AP3B1: variants seen among roughly 807,000 people sequenced by gnomAD.
AP3B1 encodes the protein AP-3 complex subunit beta-1.
Under a neutral mutation model 132.5 loss-of-function variants are expected in AP3B1, and 61 were observed. The ratio of observed to expected loss-of-function variants is 0.46; its 90% CI spans 0.37 to 0.57. The LOEUF (loss-of-function observed/expected upper bound fraction) is 0.57. AP3B1 is among the 20% of genes least tolerant of loss of function. The pLI is 0.00. For synonymous variants in AP3B1, 388 were observed against 438.3 expected (o/e 0.89, Z 1.43); for missense variants, 1,120 against 1,289.4 (o/e 0.87, Z 2.01).
chr5:78,058,232 T>G (rs548519906), intron 22 of AP3B1, among the ~76,000 whole-genome samples: 3 of 152,356 alleles, frequency 2.0e-5, no homozygotes, highest in Non-Finnish European at 4.4e-5. Flanking sequence ...CCGGACGCAG[T>G]GGCTCACGCC....
chr5:78,031,403 T>C (rs2112086334), intron 24 of AP3B1, among the ~76,000 whole-genome samples: 1 of 152,200 alleles, frequency 6.6e-6, no homozygotes, highest in East Asian at 1.9e-4. Context: ...GATACTCTCT[T>C]GGATAAAACT....
intron 14 of AP3B1, among the ~76,000 whole-genome samples, chr5:78,147,753 T>C (rs1476558845): frequency 2.0e-5 from 3 of 152,212 alleles, no homozygotes; most frequent in African/African-American, 7.2e-5. Flanking sequence ...AGTTGATGCA[T>C]CAGCCAGGTG....
intron 17 of AP3B1, among the ~76,000 whole-genome samples, chr5:78,120,647 C>T (rs1236952558): frequency 1.3e-5 from 2 of 151,930 alleles, no homozygotes; most frequent in African/African-American, 2.4e-5. Context: ...AGCTAACTAT[C>T]CTAAATATAT....
intron 15 of AP3B1, among the ~76,000 whole-genome samples, chr5:78,134,408 C>A (rs762913070): frequency 6.6e-6 from 1 of 152,122 alleles, no homozygotes; most frequent in Non-Finnish European, 1.5e-5. Flanking sequence ...ATTGGTTCTA[C>A]ATTGCTGTTA....
chr5:78,294,402 A>G (rs1389895059), intron 1 of AP3B1, 50 bp downstream of exon 1: 2 of 1,612,596 alleles, frequency 1.2e-6, no homozygotes, highest in Non-Finnish European at 8.5e-7. Flanking sequence ...CACTCCTCCG[A>G]GTCCGCAGCT....
intron 7 of AP3B1, among the ~76,000 whole-genome samples, chr5:78,181,957 T>C (rs1744391090): frequency 6.6e-6 from 1 of 152,164 alleles, no homozygotes; most frequent in East Asian, 1.9e-4. Flanking sequence ...AAGGAACACA[T>C]GACCGTTAGA....
chr5:78,204,339 T>C (rs765028254), intron 7 of AP3B1, among the ~76,000 whole-genome samples: 1 of 152,236 alleles, frequency 6.6e-6, no homozygotes, highest in Non-Finnish European at 1.5e-5. Context: ...ACTGTTTTGT[T>C]AGCTTGCAGT....
chr5:78,204,926 T>C (rs1346486421), intron 7 of AP3B1, among the ~76,000 whole-genome samples: 1 of 152,178 alleles, frequency 6.6e-6, no homozygotes, highest in Non-Finnish European at 1.5e-5. Flanking sequence ...GATTGGACTG[T>C]TTTTACAGAT....
At chr5:78,014,815 G>A (rs1002638285) in intron 26 of AP3B1, among the ~76,000 whole-genome samples, 6 of 152,146 alleles carry the variant, frequency 3.9e-5, no homozygotes, top group Non-Finnish European at 8.8e-5. Flanking sequence ...AAAAATACAA[G>A]AGGGCAAACA....
At chr5:78,031,883 C>CA (rs1747592215) in intron 24 of AP3B1, among the ~76,000 whole-genome samples, 1 of 152,104 alleles carries the variant, frequency 6.6e-6, no homozygotes, top group South Asian at 2.1e-4. Context: ...GATCTTTGGA[C>CA]AAAAACATGT....
chr5:78,182,736 G>T (rs980590302), intron 7 of AP3B1, among the ~76,000 whole-genome samples: 12 of 152,050 alleles, frequency 7.9e-5, no homozygotes, highest in African/African-American at 2.9e-4. Context: ...AAAAATTATG[G>T]CCCTACCCCC....
intron 21 of AP3B1, among the ~76,000 whole-genome samples, chr5:78,094,708 TATC>T (rs894175030): frequency 1.3e-5 from 2 of 152,106 alleles, no homozygotes; most frequent in African/African-American, 4.8e-5. Flanking sequence ...TGTAGTGGAA[TATC>T]ACTCTGTCAC....
intron 3 of AP3B1, among the ~76,000 whole-genome samples, chr5:78,235,728 C>A (rs1746849188): frequency 1.3e-5 from 2 of 152,178 alleles, no homozygotes; most frequent in Admixed American, 1.3e-4. Flanking sequence ...CATAGCAGAG[C>A]CCCAGTAGGC....
At chr5:78,152,669 T>C (rs1195061178) in intron 14 of AP3B1, among the ~76,000 whole-genome samples, 1 of 152,192 alleles carries the variant, frequency 6.6e-6, no homozygotes, top group Non-Finnish European at 1.5e-5. Context: ...TTTTTTGATG[T>C]AGGCTCTTAA....
chr5:78,006,131 C>T (rs931916981), intron 26 of AP3B1, among the ~76,000 whole-genome samples: 2 of 152,114 alleles, frequency 1.3e-5, no homozygotes, highest in Admixed American at 6.5e-5. Flanking sequence ...GTTCTAAGTG[C>T]TTCACTGGAA....
At chr5:78,024,641 T>C (rs1747256985) in intron 24 of AP3B1, among the ~76,000 whole-genome samples, 1 of 148,974 alleles carries the variant, frequency 6.7e-6, no homozygotes, top group Non-Finnish European at 1.5e-5. Flanking sequence ...CTCGGCTCAC[T>C]GCAACCTCCA....
intron 14 of AP3B1, among the ~76,000 whole-genome samples, chr5:78,151,791 G>C (rs780857973): frequency 6.6e-6 from 1 of 151,562 alleles, no homozygotes; most frequent in Non-Finnish European, 1.5e-5. Context: ...ATATTCAACA[G>C]ATGCTAGACT....
intron 21 of AP3B1, among the ~76,000 whole-genome samples, chr5:78,093,746 T>C (rs1276498422): frequency 1.3e-5 from 2 of 152,232 alleles, no homozygotes; most frequent in Non-Finnish European, 2.9e-5. Flanking sequence ...ATGCCTATCA[T>C]GTGTTAGGCA....
intron 7 of AP3B1, among the ~76,000 whole-genome samples, chr5:78,205,208 A>C (rs1028457141): frequency 4.6e-5 from 7 of 152,140 alleles, no homozygotes; most frequent in African/African-American, 1.4e-4. Context: ...TGCAAAAATA[A>C]GGCTAGTCAC....
Sources: gnomAD v4.1 joint callset for allele counts (sites outside exome capture counted in the v4.1 genomes callset) on GRCh38, gnomAD v4.1.1 for gene constraint, MANE v1.5 for transcripts, NCBI Gene and HGNC (gene_info 2026-07-23, HGNC 2026-07-21) for gene names.